Variants in TIRAP observed in about 807,000 individuals in gnomAD.
TIRAP encodes the protein TIR domain containing adaptor protein, also known as toll/interleukin-1 receptor domain-containing adapter protein.
A neutral mutation model predicts 19.8 loss-of-function variants in TIRAP; 20 were observed. The ratio of observed to expected loss-of-function variants is 1.01; its 90% CI spans 0.71 to 1.47. The LOEUF (loss-of-function observed/expected upper bound fraction) is 1.47, where lower values mean the gene tolerates loss of function less well. TIRAP is among the 40% of genes most tolerant of loss of function. TIRAP has a pLI of 0.00. For synonymous variants in TIRAP, 125 were observed against 121.7 expected, an observed-to-expected ratio of 1.03 and a Z score of -0.18; for missense variants, 276 against 285.1, an observed-to-expected ratio of 0.97 and a Z score of 0.23.
rs189099942 is a variant in TIRAP, at chr11:126,287,287, A to G, written c.-216-3175A>G. On this transcript the variant is annotated intron_variant, in intron 1 of 4. Transcript: ENST00000392679. This position sits in a 1 kb window ranked among gnomAD's most constrained non-coding sequence, Gnocchi z 4.2. ...CCCTATATAATAGAAATTGGAGACC[A>G]GTTTGATATTGGATACTAAATACAC... 6.6e-6 allele frequency among the ~76,000 whole-genome samples: 1 copy of G among 152,194 alleles called. No individual in the cohort carries two copies. Among genetic ancestry groups the G allele is most frequent in the African/African-American group, 2.4e-5 (1 of 41,542 alleles).
rs1000316851 is a variant in TIRAP at position 126,288,156 on chromosome 11, A to C, written c.-216-2306A>C. 6.6e-6 allele frequency among the ~76,000 whole-genome samples: 1 copy of C among 152,256 alleles called. No homozygotes were observed. Among genetic ancestry groups the C allele is most frequent in the African/African-American group, 2.4e-5 (1 of 41,476 alleles). On this transcript the variant is annotated intron_variant, in intron 1 of 4. Coordinates refer to ENST00000392679, the MANE Select transcript of TIRAP (RefSeq NM_001318777.2). The surrounding 1 kb of genome is among the most constrained non-coding windows in gnomAD (Gnocchi z 5.0). ...CGGCCTCCCAAAGTGCTGGGATTACAGGCATGAGCCACTGAGCCCGTTCCC... is the reference window on the plus strand; with the variant it reads ...CGGCCTCCCAAAGTGCTGGGATTACCGGCATGAGCCACTGAGCCCGTTCCC...
At chr11:126,293,398 T>C (rs759918323) in intron 4 of TIRAP, 7 of 703,550 alleles carry the variant, frequency 9.9e-6, no homozygotes, top group Admixed American at 8.0e-5. Context: ...TAGCTAGTAG[T>C]AGTAACAGTA....
rs1446521107 is a variant in TIRAP, at chr11:126,291,180, G to C, written c.67+219G>C. 1.7e-5 allele frequency: 11 copies of C among 662,610 alleles called. No individual in the cohort carries two copies. Among genetic ancestry groups the C allele is most frequent in the Non-Finnish European group, 2.8e-5 (11 of 399,988 alleles). 41.0% of individuals were successfully genotyped at this position (662,610 alleles called of 1,614,324 possible). ...AGATCTTTATCCTTTTGGCTCAAAG[G>C]TTTTCCAGGCCTGCTCAGCTAGCTT... On this transcript the variant is annotated intron_variant, in intron 3 of 4. Coordinates refer to ENST00000392679, the MANE Select transcript of TIRAP (RefSeq NM_001318777.2). This position sits in a 1 kb window ranked among gnomAD's most constrained non-coding sequence, Gnocchi z 5.6.
chr11:126,291,693 T>G lies in TIRAP; in HGVS notation c.67+732T>G. ...ATGCCAGTCCTCCGTACCCCTTCCTTCCTGTATACGTAGCCCTTCCTAATC... is the reference window on the plus strand; with the variant it reads ...ATGCCAGTCCTCCGTACCCCTTCCTGCCTGTATACGTAGCCCTTCCTAATC... On this transcript the variant is annotated intron_variant, in intron 3 of 4. Transcript: ENST00000392679. This position sits in a 1 kb window ranked among gnomAD's most constrained non-coding sequence, Gnocchi z 5.6. The G allele has an allele frequency of 2.6e-6, 1 of 380,576 alleles. No individual in the cohort carries two copies. The highest frequency in any genetic ancestry group is 1.9e-5 in the South Asian group (1 of 52,936). 23.6% of individuals were successfully genotyped at this position (380,576 alleles called of 1,614,324 possible). A position where few individuals can be genotyped will look rare whatever the true frequency, so the allele number is the denominator to read the frequency against.
chr11:126,289,137 A>G (rs996333721), intron 1 of TIRAP, among the ~76,000 whole-genome samples: 1 of 151,960 alleles, frequency 6.6e-6, no homozygotes, highest in Non-Finnish European at 1.5e-5. Flanking sequence ...ACCCATTCCA[A>G]CCCTTTGCTC....
chr11:126,286,054 G>GAAAAA (rs1182840430), intron 1 of TIRAP, among the ~76,000 whole-genome samples: 2 of 48,322 alleles, frequency 4.1e-5, no homozygotes, highest in African/African-American at 8.5e-5. Flanking sequence ...ACCCTCTCTG[G>GAAAAA]AAAAAAAAAA....
At chr11:126,289,803 T>G (rs1322964087) in intron 1 of TIRAP, 2 of 985,314 alleles carry the variant, frequency 2.0e-6, no homozygotes, top group Non-Finnish European at 2.4e-6. Context: ...ATCAGGGACA[T>G]CCTCTGTCAC....
In TIRAP at chr11:126,294,615, G is replaced by T; in HGVS notation, c.*928G>T. The T allele has an allele frequency of 2.2e-6, 1 of 452,790 alleles. No individual in the cohort carries two copies. Among genetic ancestry groups the T allele is most frequent in the South Asian group, 1.6e-5 (1 of 63,886 alleles). The allele number at this position is 452,790 out of a possible 1,614,324, so 28.0% of individuals were successfully genotyped here. ...GATGACTGTATTCCTTATAGGACAG[G>T]CAAGGTTTCATTCATCTGTTCTCAG... On this transcript the variant is annotated 3_prime_UTR_variant, in exon 5 of 5. Transcript: ENST00000392679.
rs1951339892 is a variant in TIRAP, at chr11:126,287,933, T to C, written c.-216-2529T>C. ...CATGCCTGGCTAATTTTTGTATTTT[T>C]AGTAGAGACAGGGTTTCGACCTGTC... On this transcript the variant is annotated intron_variant, in intron 1 of 4. Transcript: ENST00000392679. The surrounding 1 kb of genome is among the most constrained non-coding windows in gnomAD (Gnocchi z 4.2). 6.6e-6 allele frequency among the ~76,000 whole-genome samples: 1 copy of C among 152,014 alleles called. No individual in the cohort carries two copies. The highest frequency in any genetic ancestry group is 1.5e-5 in the Non-Finnish European group (1 of 68,012).
rs1951343821 is a variant in TIRAP, at chr11:126,288,363, C to A, written c.-216-2099C>A. 1 of 152,204 alleles carries A rather than the reference C, an allele frequency of 6.6e-6. No individual in the cohort carries two copies. Among genetic ancestry groups the A allele is most frequent in the South Asian group, 2.1e-4 (1 of 4,826 alleles). The allele number at this position is 152,204 out of a possible 1,614,324, so 9.4% of individuals were successfully genotyped here. On this transcript the variant is annotated intron_variant, in intron 1 of 4. Transcript: ENST00000392679. This position sits in a 1 kb window ranked among gnomAD's most constrained non-coding sequence, Gnocchi z 5.0. Reference sequence around the variant, plus strand: ...TGGAGATTTGGGTTCATTACCTTACCTACTTGTCAACCACATCTCAAGATA... The same window carrying A: ...TGGAGATTTGGGTTCATTACCTTACATACTTGTCAACCACATCTCAAGATA...
intron 1 of TIRAP, among the ~76,000 whole-genome samples, chr11:126,284,715 G>A (rs1047400566): frequency 1.3e-5 from 2 of 151,938 alleles, no homozygotes; most frequent in Admixed American, 1.3e-4. Context: ...TCAGCCAGGC[G>A]TGATGGCGGG....
intron 1 of TIRAP, among the ~76,000 whole-genome samples, chr11:126,284,361 CT>C (rs1437010875): frequency 6.6e-6 from 1 of 152,152 alleles, no homozygotes; most frequent in Non-Finnish European, 1.5e-5. Flanking sequence ...TGTGTGACGT[CT>C]GACATTCAGT....
In TIRAP at chr11:126,291,397, A is replaced by C. The variant is rs751865534; in HGVS notation, c.67+436A>C. On this transcript the variant is annotated intron_variant, in intron 3 of 4. Transcript: ENST00000392679. The surrounding 1 kb of genome is among the most constrained non-coding windows in gnomAD (Gnocchi z 5.6). ...TTATGGAGTCCCATACTCCAAACAC[A>C]GACCTGAGCAGTGTTTCTCCCCCAC... The C allele has an allele frequency of 4.6e-6, 6 of 1,306,296 alleles. No homozygotes were observed. In the South Asian group the frequency reaches 7.3e-5, roughly 16 times the overall value. The allele number at this position is 1,306,296 out of a possible 1,614,324, so 80.9% of individuals were successfully genotyped here. A position where few individuals can be genotyped will look rare whatever the true frequency, so the allele number is the denominator to read the frequency against.
In TIRAP at chr11:126,291,259, A is replaced by T. The variant is rs117512949; in HGVS notation, c.67+298A>T. The T allele has an allele frequency of 7.1e-6, 4 of 560,692 alleles. No individual in the cohort carries two copies. The highest frequency in any genetic ancestry group is 1.9e-5 in the African/African-American group (1 of 52,812). 34.7% of individuals were successfully genotyped at this position (560,692 alleles called of 1,614,324 possible). ...GCTTAACACTGTCTCTTGTCGTCCA[A>T]ATCTTTGTTCCAGAACCATTTAGAG... is the stretch of plus-strand genomic sequence containing the variant. On this transcript the variant is annotated intron_variant, in intron 3 of 4. Transcript: ENST00000392679. The surrounding 1 kb of genome is among the most constrained non-coding windows in gnomAD (Gnocchi z 5.6).
rs1278063487 is a variant in TIRAP, at chr11:126,287,032, C to T, written c.-216-3430C>T. Among the ~76,000 whole-genome samples the T allele has an allele frequency of 6.6e-6, 1 of 152,152 alleles. No individual in the cohort carries two copies. Among genetic ancestry groups the T allele is most frequent in the Non-Finnish European group, 1.5e-5 (1 of 68,030 alleles). On this transcript the variant is annotated intron_variant, in intron 1 of 4. Coordinates refer to ENST00000392679, the MANE Select transcript of TIRAP (RefSeq NM_001318777.2). The surrounding 1 kb of genome is among the most constrained non-coding windows in gnomAD (Gnocchi z 4.2). ...GATCTTTGTGGTTACATTAAACTCA[C>T]CTGGGTAATCCAGGAATCCCTCCCC...
rs145551980 is a variant in TIRAP at position 126,291,199 on chromosome 11, C to T, written c.67+238C>T. 1.1e-4 allele frequency: 65 copies of T among 618,182 alleles called. 1 individual carries two copies. The highest frequency in any genetic ancestry group is 1.0e-3 in the African/African-American group (54 of 54,254). The allele number at this position is 618,182 out of a possible 1,614,324, so 38.3% of individuals were successfully genotyped here. A position where few individuals can be genotyped will look rare whatever the true frequency, so the allele number is the denominator to read the frequency against. Reference sequence around the variant, plus strand: ...TCAAAGGTTTTCCAGGCCTGCTCAGCTAGCTTTCCTAGCCTGGAAACCACT... The same window carrying T: ...TCAAAGGTTTTCCAGGCCTGCTCAGTTAGCTTTCCTAGCCTGGAAACCACT... On this transcript the variant is annotated intron_variant, in intron 3 of 4. Coordinates refer to ENST00000392679, the MANE Select transcript of TIRAP (RefSeq NM_001318777.2). The surrounding 1 kb of genome is among the most constrained non-coding windows in gnomAD (Gnocchi z 5.6).
rs781088797 is a variant in TIRAP at position 126,292,486 on chromosome 11, G to A, written c.77G>A (p.Arg26Lys). The A allele has an allele frequency of 2.5e-6, 4 of 1,613,816 alleles. No homozygotes were observed. Among genetic ancestry groups the A allele is most frequent in the Non-Finnish European group, 2.5e-6 (3 of 1,179,958 alleles). ...KPLGKMADWF[R>K]QTLLKKPKKR... ...TGTTTCTCCCCCACAGACTGGTTCA[G>A]GCAGACCCTGCTGAAGAAGCCCAAG... Residue 26 changes from arginine to lysine, a missense_variant, in exon 4 of 5, where the codon AGG becomes AAG. Transcript: ENST00000392679.
rs900037339 is a variant in TIRAP, at chr11:126,291,957, G to A, written c.68-520G>A. Reference sequence around the variant, plus strand: ...CATAAGGATTCCAGAGTTCTGACACGTCCAAAACCTTTACCTTTAGAGGGC... The same window carrying A: ...CATAAGGATTCCAGAGTTCTGACACATCCAAAACCTTTACCTTTAGAGGGC... On this transcript the variant is annotated intron_variant, in intron 3 of 4. Coordinates refer to ENST00000392679, the MANE Select transcript of TIRAP (RefSeq NM_001318777.2). This position sits in a 1 kb window ranked among gnomAD's most constrained non-coding sequence, Gnocchi z 5.6. Among the ~76,000 whole-genome samples the A allele has an allele frequency of 3.3e-5, 5 of 151,952 alleles. No individual in the cohort carries two copies. Among genetic ancestry groups the A allele is most frequent in the Admixed American group, 1.3e-4 (2 of 15,252 alleles).
At position 126,291,585 on chromosome 11, in the gene TIRAP, C is replaced by T. The variant is rs8177373; in HGVS notation, c.67+624C>T. 5.9e-4 allele frequency: 282 copies of T among 474,628 alleles called. 4 individuals carry two copies. The highest frequency in any genetic ancestry group is 4.8e-3 in the African/African-American group (240 of 50,364). The allele number at this position is 474,628 out of a possible 1,614,324, so 29.4% of individuals were successfully genotyped here. Reference sequence around the variant, plus strand: ...ACTCCAGAGTGTGGGTTCTGAATCACGAAGCTCTCTGCTCCTCAGCAACTC... The same window carrying T: ...ACTCCAGAGTGTGGGTTCTGAATCATGAAGCTCTCTGCTCCTCAGCAACTC... On this transcript the variant is annotated intron_variant, in intron 3 of 4. Coordinates refer to ENST00000392679, the MANE Select transcript of TIRAP (RefSeq NM_001318777.2). The surrounding 1 kb of genome is among the most constrained non-coding windows in gnomAD (Gnocchi z 5.6).
Sources: allele counts gnomAD v4.1 joint callset (sites outside exome capture counted in the v4.1 genomes callset), GRCh38; gene constraint gnomAD v4.1.1; non-coding constraint Gnocchi (gnomAD v3.1); transcripts MANE v1.5; gene names NCBI Gene and HGNC (gene_info 2026-07-23, HGNC 2026-07-21).